Variants in DNAI4 observed in about 807,000 individuals in gnomAD.
DNAI4 encodes the protein WD repeat domain 78.
Under a neutral mutation model 105.8 loss-of-function variants are expected in DNAI4, and 85 were observed. The observed-to-expected ratio is 0.80, with a 90% CI of 0.67 to 0.96. The LOEUF (loss-of-function observed/expected upper bound fraction) is 0.96, where lower values mean the gene tolerates loss of function less well. DNAI4 is among the 40% of genes least tolerant of loss of function. The pLI is 0.00. For missense variants in DNAI4, 1,014 were observed against 1,005.6 expected, an observed-to-expected ratio of 1.01 and a Z score of -0.11; for synonymous variants, 352 against 331.5, an observed-to-expected ratio of 1.06 and a Z score of -0.67.
intron 2 of DNAI4, among the ~76,000 whole-genome samples, chr1:66,901,073 A>G (rs1648780813): frequency 6.6e-6 from 1 of 152,192 alleles, no homozygotes; most frequent in South Asian, 2.1e-4. Context: ...TTGCGTGTTT[A>G]TATCATGAAA....
intron 8 of DNAI4, among the ~76,000 whole-genome samples, chr1:66,841,832 A>T (rs1646155091): frequency 6.6e-6 from 1 of 152,214 alleles, no homozygotes; most frequent in African/African-American, 2.4e-5. Context: ...TTATCATTCA[A>T]AGTCCATAGT....
At chr1:66,901,011 T>C (rs1368595942) in intron 2 of DNAI4, among the ~76,000 whole-genome samples, 1 of 152,158 alleles carries the variant, frequency 6.6e-6, no homozygotes, top group Admixed American at 6.6e-5. Context: ...AGCTGTGGGG[T>C]TTTTGTGAAT....
Position 66,905,302 on chromosome 1 carries a change from T to C in DNAI4, c.244A>G (p.Thr82Ala), listed in dbSNP as rs1483579993. ...GCCATTCTGCTTTGATTTGCACCAG[T>C]ATATCCTTTCACTGAAGTTGCTTTC... ...TMKATSVKGY[T>A]GANQSRMAVS... Residue 82 changes from threonine (T) to alanine (A), a missense_variant, in exon 2 of 17, where the codon ACT (threonine) becomes GCT (alanine). Transcript: ENST00000371026. 2.6e-6 allele frequency: 4 copies of C among 1,551,812 alleles called. No individual in the cohort carries two copies. The highest frequency in any genetic ancestry group is 2.6e-6 in the Non-Finnish European group (3 of 1,139,816).
chr1:66,873,371 G>A (rs143460308), intron 5 of DNAI4, among the ~76,000 whole-genome samples: 149 of 150,512 alleles, frequency 9.9e-4, no homozygotes, highest in African/African-American at 3.4e-3. Context: ...TCAGCCTCCC[G>A]AGCAGCTGGG....
Position 66,890,951 on chromosome 1 carries a change from G to A in DNAI4, c.643+203C>T, listed in dbSNP as rs1647581099. 3.5e-6 allele frequency: 2 copies of A among 578,582 alleles called. No homozygotes were observed. Among genetic ancestry groups the A allele is most frequent in the South Asian group, 4.0e-5 (2 of 50,396 alleles). The allele number at this position is 578,582 out of a possible 1,614,324, so 35.8% of individuals were successfully genotyped here. A position where few individuals can be genotyped will look rare whatever the true frequency, so the allele number is the denominator to read the frequency against. ...TGAGCTCTAACACAAAGCGCCATTG[G>A]TTCCTCAGGCTGATGATTCAAAACA... On this transcript the variant is annotated intron_variant, in intron 4 of 16. Coordinates refer to ENST00000371026, the MANE Select transcript of DNAI4 (RefSeq NM_024763.5). This position sits in a 1 kb window ranked among gnomAD's most constrained non-coding sequence, Gnocchi z 4.1.
intron 1 of DNAI4, among the ~76,000 whole-genome samples, chr1:66,922,874 T>C (rs1359279010): frequency 1.3e-5 from 2 of 152,186 alleles, no homozygotes; most frequent in Non-Finnish European, 2.9e-5. Context: ...TAAAATCTGT[T>C]TTCTTGGGAG....
intron 16 of DNAI4, among the ~76,000 whole-genome samples, chr1:66,816,727 T>TCACACACA (rs57920483): frequency 4.4e-5 from 6 of 137,768 alleles, no homozygotes; most frequent in South Asian, 2.5e-4. Flanking sequence ...AGCCTTGAAA[T>TCACACACA]CACACACACA....
chr1:66,844,231 G>C (rs1488259174), intron 8 of DNAI4, among the ~76,000 whole-genome samples: 1 of 151,476 alleles, frequency 6.6e-6, no homozygotes, highest in Non-Finnish European at 1.5e-5. Context: ...AAAACATCAT[G>C]TTGTATACCT....
At chr1:66,863,811 A>G (rs1646677030) in intron 6 of DNAI4, among the ~76,000 whole-genome samples, 1 of 152,186 alleles carries the variant, frequency 6.6e-6, no homozygotes, top group African/African-American at 2.4e-5. Flanking sequence ...ATCTTAATGA[A>G]CTTATCATAA....
chr1:66,874,822 T>C lies in DNAI4; in HGVS notation c.759A>G (p.Thr253=), dbSNP rs1646927161. The change falls in exon 5 of 17, where the codon ACA becomes ACG. Residue 253 remains threonine, a synonymous_variant. Coordinates refer to ENST00000371026, the MANE Select transcript of DNAI4 (RefSeq NM_024763.5). ...TETLRFFDLP[T]VMVSVESEEA... ...CTTCAGATTCTACAGAGACCATGACTGTGGGCAAGTCAAAAAATCTCAGTG... is the reference window on the plus strand; with the variant it reads ...CTTCAGATTCTACAGAGACCATGACCGTGGGCAAGTCAAAAAATCTCAGTG... The C allele has an allele frequency of 1.2e-6, 2 of 1,613,810 alleles. No homozygotes were observed. The highest frequency in any genetic ancestry group is 2.2e-5 in the East Asian group (1 of 44,858).
intron 10 of DNAI4, among the ~76,000 whole-genome samples, chr1:66,836,226 GAGAGAGAGAAAGAA>G (rs1646001848): frequency 1.4e-4 from 18 of 132,326 alleles, no homozygotes; most frequent in African/African-American, 5.2e-4. Context: ...GAGAGAGAGA[GAGAGAGAGAAAGAA>G]AGAAAGAGAG....
At chr1:66,920,717 T>C (rs955721181) in intron 1 of DNAI4, among the ~76,000 whole-genome samples, 4 of 152,200 alleles carry the variant, frequency 2.6e-5, no homozygotes, top group African/African-American at 7.2e-5. Flanking sequence ...GGAGTCACTA[T>C]CCTGCTTCAC....
At chr1:66,918,196 A>G (rs1046202889) in intron 1 of DNAI4, among the ~76,000 whole-genome samples, 2 of 152,262 alleles carry the variant, frequency 1.3e-5, no homozygotes, top group Non-Finnish European at 2.9e-5. Context: ...AATTAGGCCA[A>G]GTATAATAAA....
intron 13 of DNAI4, among the ~76,000 whole-genome samples, chr1:66,829,110 A>G (rs915823885): frequency 1.3e-5 from 2 of 152,174 alleles, no homozygotes; most frequent in Non-Finnish European, 2.9e-5. Flanking sequence ...TCCAAAGTAT[A>G]AGAAGCTCTG....
At chr1:66,830,598 G>GA (rs1189859942) in intron 13 of DNAI4, among the ~76,000 whole-genome samples, 1 of 151,896 alleles carries the variant, frequency 6.6e-6, no homozygotes, top group East Asian at 1.9e-4. Context: ...CCAATATGGT[G>GA]AAACCCTGTC....
At chr1:66,896,954 G>A (rs574585828) in intron 2 of DNAI4, among the ~76,000 whole-genome samples, 95 of 152,310 alleles carry the variant, frequency 6.2e-4, no homozygotes, top group African/African-American at 2.2e-3. Flanking sequence ...GTGGATAGAG[G>A]CTGGAAGAAC....
intron 4 of DNAI4, 66 bp downstream of exon 4, chr1:66,891,088 A>G (rs760373359): frequency 1.4e-5 from 17 of 1,211,692 alleles, no homozygotes; most frequent in Non-Finnish European, 1.8e-5. Flanking sequence ...CAAGTATCCA[A>G]CCAATAATAA....
At chr1:66,858,985 T>G (rs1646565392) in intron 7 of DNAI4, among the ~76,000 whole-genome samples, 1 of 152,036 alleles carries the variant, frequency 6.6e-6, no homozygotes, top group Non-Finnish European at 1.5e-5. Context: ...AGAAAAAAAT[T>G]GATAAATTAG....
intron 7 of DNAI4, among the ~76,000 whole-genome samples, chr1:66,858,879 C>T (rs1344064703): frequency 2.0e-5 from 3 of 151,980 alleles, no homozygotes; most frequent in Non-Finnish European, 2.9e-5. Context: ...TGAAAACTTT[C>T]CCCTAAGATC....
Sources: gnomAD v4.1 joint callset for allele counts (sites outside exome capture counted in the v4.1 genomes callset) on GRCh38, gnomAD v4.1.1 for gene constraint, Gnocchi (gnomAD v3.1) non-coding constraint, MANE v1.5 for transcripts, NCBI Gene and HGNC (gene_info 2026-07-23, HGNC 2026-07-21) for gene names.